The following SLC24A3 variants were observed in gnomAD, a reference collection of about 807,000 sequenced individuals.
The protein encoded by SLC24A3 is sodium/potassium/calcium exchanger 3.
Under a neutral mutation model 75.8 loss-of-function variants are expected in SLC24A3, and 28 were observed. That is an observed-to-expected ratio of 0.37 (90% CI 0.27 to 0.51). SLC24A3 has a LOEUF of 0.51. Ranked by LOEUF, SLC24A3 falls within the 20% of genes least tolerant of loss-of-function variation. SLC24A3 has a pLI of 0.94. For missense variants in SLC24A3, 663 were observed against 847.8 expected, an observed-to-expected ratio of 0.78 and a Z score of 2.71; for synonymous variants, 372 against 334.1, an observed-to-expected ratio of 1.11 and a Z score of -1.24.
At chr20:19,346,185 T>TGTATATATATATATG (rs1985409060) in intron 2 of SLC24A3, among the ~76,000 whole-genome samples, 1 of 104,490 alleles carries the variant, frequency 9.6e-6, no homozygotes, top group Non-Finnish European at 1.8e-5. Context: ...ATATATATGG[T>TGTATATATATATATG]GTATATATAT....
At position 19,311,919 on chromosome 20, in the gene SLC24A3, T is replaced by C. The variant is rs532814871; in HGVS notation, c.271+30832T>C. 8.5e-5 allele frequency among the ~76,000 whole-genome samples: 13 copies of C among 152,170 alleles called. No individual in the cohort carries two copies. In the South Asian group the frequency reaches 2.5e-3, roughly 29 times the overall value. On this transcript the variant is annotated intron_variant, in intron 2 of 16. Transcript: ENST00000328041. ...GGCTGCCGGTGCTGTGTGTGTAGCA[T>C]GAGGGTTTCCTTCCCATGCGCCCTT...
At chr20:19,375,227 T>C (rs1986063208) in intron 2 of SLC24A3, among the ~76,000 whole-genome samples, 2 of 152,190 alleles carry the variant, frequency 1.3e-5, no homozygotes, top group South Asian at 2.1e-4. Flanking sequence ...ATCTTCTCTC[T>C]GGGCGTAAAA....
At chr20:19,250,077 TCATTCAGC>T (rs1362633940) in intron 1 of SLC24A3, among the ~76,000 whole-genome samples, 1 of 152,204 alleles carries the variant, frequency 6.6e-6, no homozygotes, top group Non-Finnish European at 1.5e-5. Context: ...GGGTCAGCAG[TCATTCAGC>T]CATTCAACAG....
chr20:19,656,456 T>C (rs1219900458), intron 7 of SLC24A3, among the ~76,000 whole-genome samples: 1 of 152,176 alleles, frequency 6.6e-6, no homozygotes, highest in Non-Finnish European at 1.5e-5. Context: ...TCTTATTCTG[T>C]TATTACCTGT....
chr20:19,300,770 C>T (rs1984176669), intron 2 of SLC24A3, among the ~76,000 whole-genome samples: 1 of 152,076 alleles, frequency 6.6e-6, no homozygotes, highest in Non-Finnish European at 1.5e-5. Flanking sequence ...CTGGAGTCTT[C>T]AGCTTGCTGC....
intron 2 of SLC24A3, among the ~76,000 whole-genome samples, chr20:19,373,291 C>A (rs1048747789): frequency 6.6e-6 from 1 of 152,252 alleles, no homozygotes; most frequent in Non-Finnish European, 1.5e-5. Flanking sequence ...CTCGGAGGCC[C>A]TTCCTTGTCC....
At chr20:19,577,722 A>T (rs2031160883) in intron 3 of SLC24A3, among the ~76,000 whole-genome samples, 2 of 152,222 alleles carry the variant, frequency 1.3e-5, no homozygotes, top group South Asian at 4.1e-4. Context: ...AAAAAAAGAC[A>T]TTGTAATGCT....
intron 2 of SLC24A3, among the ~76,000 whole-genome samples, chr20:19,328,170 T>C (rs1279363922): frequency 6.6e-6 from 1 of 151,882 alleles, no homozygotes; most frequent in East Asian, 1.9e-4. Context: ...GCACGCTTGG[T>C]GTGTCCAGAG....
At chr20:19,220,692 A>G (rs190622276) in intron 1 of SLC24A3, among the ~76,000 whole-genome samples, 24 of 152,348 alleles carry the variant, frequency 1.6e-4, no homozygotes, top group South Asian at 1.2e-3. Context: ...CATTACATCT[A>G]TGGTTAGCTC....
intron 1 of SLC24A3, among the ~76,000 whole-genome samples, chr20:19,264,728 CAAAAAAAA>C (rs371253803): frequency 4.1e-5 from 4 of 98,034 alleles, no homozygotes; most frequent in Admixed American, 2.3e-4. Context: ...GACTCCATCT[CAAAAAAAA>C]AAAAAAAAAC....
chr20:19,572,687 C>T (rs1265786836), intron 3 of SLC24A3, among the ~76,000 whole-genome samples: 1 of 152,158 alleles, frequency 6.6e-6, no homozygotes, highest in Non-Finnish European at 1.5e-5. Context: ...TTCCTCTTCC[C>T]TGCAAACCCC....
chr20:19,310,312 A>G (rs2122259721), intron 2 of SLC24A3, among the ~76,000 whole-genome samples: 1 of 152,340 alleles, frequency 6.6e-6, no homozygotes, highest in East Asian at 1.9e-4. Context: ...CACCAGGAAA[A>G]TGCACTGAGT....
At chr20:19,720,832 T>G (rs928070619) in intron 16 of SLC24A3, among the ~76,000 whole-genome samples, 159 bp from the exon 17 acceptor site, 5 of 152,114 alleles carry the variant, frequency 3.3e-5, no homozygotes, top group Non-Finnish European at 5.9e-5. Flanking sequence ...TCCCACAATC[T>G]GAGACGAGAG....
At chr20:19,623,974 C>T (rs12480804) in intron 6 of SLC24A3, among the ~76,000 whole-genome samples, 51 of 152,304 alleles carry the variant, frequency 3.3e-4, no homozygotes, top group Admixed American at 2.9e-3. Flanking sequence ...CCACAAAAGC[C>T]TCCTTTTCCT....
rs143829199 is a variant in SLC24A3, at chr20:19,685,107, G to A, written c.1070G>A (p.Arg357Lys). 2 of 1,603,746 alleles carry A rather than the reference G, an allele frequency of 1.2e-6. No individual in the cohort carries two copies. The highest frequency in any genetic ancestry group is 8.5e-7 in the Non-Finnish European group (1 of 1,172,594). The change falls in exon 12 of 17, where the codon AGA becomes AAA. Residue 357 changes from arginine (R) to lysine (K), a missense_variant. Physicochemically the swap from Arg to Lys is conservative, Grantham distance 26. Around this residue, in one of 2 missense-constraint regions of SLC24A3, gnomAD observed 510 missense variants for 703.6 expected, o/e 0.72. Coordinates refer to ENST00000328041, the MANE Select transcript of SLC24A3 (RefSeq NM_020689.4). ...ASRMLINERQ[R>K]LINSRAYTNG... The stretch of plus-strand genomic sequence containing the variant: ...GCGCCTTTCTCTTTCCAGAGACAAA[G>A]ATTGATAAACAGCAGGGCTTATACC...
intron 6 of SLC24A3, among the ~76,000 whole-genome samples, chr20:19,609,153 C>T (rs934569096): frequency 6.6e-6 from 1 of 152,178 alleles, no homozygotes; most frequent in African/African-American, 2.4e-5. Context: ...CTTGATGAAA[C>T]TCTTGAATGT....
intron 2 of SLC24A3, among the ~76,000 whole-genome samples, chr20:19,491,932 G>A (rs765899244): frequency 6.6e-6 from 1 of 151,982 alleles, no homozygotes; most frequent in Non-Finnish European, 1.5e-5. Flanking sequence ...CCTGGGCAGG[G>A]CAGCAGTGTC....
At chr20:19,705,027 C>T (rs554745965) in intron 15 of SLC24A3, among the ~76,000 whole-genome samples, 27 of 152,324 alleles carry the variant, frequency 1.8e-4, no homozygotes, top group Admixed American at 6.5e-4. Flanking sequence ...ACAGCAGTCA[C>T]CCATGCATAA....
intron 2 of SLC24A3, among the ~76,000 whole-genome samples, chr20:19,469,893 A>C (rs889346115): frequency 6.6e-6 from 1 of 152,190 alleles, no homozygotes; most frequent in Non-Finnish European, 1.5e-5. Flanking sequence ...TCGACTCTTC[A>C]AACCTAAAAT....
Sources: gnomAD v4.1 joint callset for allele counts (sites outside exome capture counted in the v4.1 genomes callset) on GRCh38, gnomAD v4.1.1 for gene constraint, gnomAD v4.1.1 regional missense constraint, MANE v1.5 for transcripts, NCBI Gene and HGNC (gene_info 2026-07-23, HGNC 2026-07-21) for gene names.